Variants in MGAT5 observed in about 807,000 individuals in gnomAD.
The protein encoded by MGAT5 is alpha-1,6-mannosylglycoprotein 6-beta-N-acetylglucosaminyltransferase A.
Under a neutral mutation model 94.3 loss-of-function variants are expected in MGAT5, and 30 were observed. That is an observed-to-expected ratio of 0.32 (90% CI 0.24 to 0.43). The LOEUF (loss-of-function observed/expected upper bound fraction) is 0.43, where lower values mean the gene tolerates loss of function less well. MGAT5 is among the 20% of genes least tolerant of loss of function. MGAT5 has a pLI of 1.00. For synonymous variants in MGAT5, 310 were observed against 322.9 expected, an observed-to-expected ratio of 0.96 and a Z score of 0.43; for missense variants, 691 against 905.5, an observed-to-expected ratio of 0.76 and a Z score of 3.04.
intron 1 of MGAT5, among the ~76,000 whole-genome samples, chr2:134,203,637 T>C (rs1679900808): frequency 1.3e-5 from 2 of 152,066 alleles, no homozygotes; most frequent in African/African-American, 4.8e-5. Flanking sequence ...CCTTGGTGCT[T>C]GTGACCTTGA....
chr2:134,422,043 A>G (rs2106359128), intron 12 of MGAT5, among the ~76,000 whole-genome samples: 1 of 152,116 alleles, frequency 6.6e-6, no homozygotes, highest in East Asian at 1.9e-4. Flanking sequence ...GCCAGGCATG[A>G]TGTGCACATC....
At chr2:134,143,789 T>A (rs569313287) in intron 1 of MGAT5, among the ~76,000 whole-genome samples, 157 of 152,334 alleles carry the variant, frequency 1.0e-3, no homozygotes, top group South Asian at 2.3e-3. Context: ...TGTGTATTCA[T>A]TTAATCTTTC....
chr2:134,406,025 G>C (rs1683313986), intron 11 of MGAT5, among the ~76,000 whole-genome samples: 1 of 152,220 alleles, frequency 6.6e-6, no homozygotes, highest in Non-Finnish European at 1.5e-5. Flanking sequence ...CCACAGCCGA[G>C]TCATTCAGTC....
chr2:134,169,266 G>A lies in MGAT5; in HGVS notation c.-143+48975G>A, dbSNP rs537966036. Among the ~76,000 whole-genome samples, 10 of 152,198 alleles carry A rather than the reference G, an allele frequency of 6.6e-5. No homozygotes were observed. In the East Asian group the frequency reaches 1.4e-3, roughly 21 times the overall value. On this transcript the variant is annotated intron_variant, in intron 1 of 16. Transcript: ENST00000409645. ...TGAAAATGGGATTTCAAGGCCGGGC[G>A]CAGTGGCTTATGCCTGTAATCCCAG... is the stretch of plus-strand genomic sequence containing the variant.
In MGAT5 at chr2:134,359,445, C is replaced by T. The variant is rs78745896; in HGVS notation, c.1247-2830C>T. On this transcript the variant is annotated intron_variant, in intron 9 of 15. Transcript: ENST00000281923. ...TTCTTATCTGTACAAACATGTTACA[C>T]GGTTATGAGGTTAAAATGGAAGAGT... 2.7e-3 allele frequency among the ~76,000 whole-genome samples: 418 copies of T among 152,264 alleles called. 7 individuals are homozygous for T. The highest frequency in any genetic ancestry group is 0.023 in the East Asian group (120 of 5,180).
upstream of MGAT5, among the ~76,000 whole-genome samples, chr2:134,251,059 C>A (rs182939640): frequency 6.6e-6 from 1 of 152,260 alleles, no homozygotes; most frequent in East Asian, 1.9e-4. Flanking sequence ...ACAGCTAATT[C>A]CTACCAGTGA....
chr2:134,269,497 G>A (rs184531400), intron 1 of MGAT5, among the ~76,000 whole-genome samples: 3 of 152,342 alleles, frequency 2.0e-5, no homozygotes, highest in Admixed American at 1.3e-4. Flanking sequence ...TGGTTATGCA[G>A]TCACCCATCT....
intron 2 of MGAT5, among the ~76,000 whole-genome samples, chr2:134,284,146 T>G (rs1315123885): frequency 6.6e-6 from 1 of 152,164 alleles, no homozygotes; most frequent in Non-Finnish European, 1.5e-5. Flanking sequence ...AAATGGGAGA[T>G]TGCAACTTTC....
rs960173173 is a variant in MGAT5 at position 134,130,202 on chromosome 2, G to A, written c.-143+9911G>A. Among the ~76,000 whole-genome samples, 11 of 70,872 alleles carry A rather than the reference G, an allele frequency of 1.6e-4. No individual in the cohort carries two copies. In the East Asian group the frequency reaches 2.4e-3, roughly 15 times the overall value. The allele number at this position is 70,872 out of a possible 152,430, so 46.5% of individuals were successfully genotyped here. On this transcript the variant is annotated intron_variant, in intron 1 of 16. Coordinates refer to the MGAT5 transcript ENST00000409645. ...TCTGCAGCCCGCCATGCTGGAGCCC[G>A]CCCCGCCCCACACCGCCCCACACCG...
At chr2:134,194,305 T>A (rs1470050138) in intron 1 of MGAT5, among the ~76,000 whole-genome samples, 1 of 152,176 alleles carries the variant, frequency 6.6e-6, no homozygotes, top group East Asian at 1.9e-4. Flanking sequence ...AAAATACACT[T>A]CAACTTCTGC....
upstream of MGAT5, among the ~76,000 whole-genome samples, chr2:134,254,009 T>C (rs1682777267): frequency 2.0e-5 from 3 of 152,218 alleles, no homozygotes; most frequent in Admixed American, 2.0e-4. Context: ...GTTTTGAATT[T>C]GGTCCAGGCT....
At chr2:134,152,606 CTT>C (rs998291840) in intron 1 of MGAT5, among the ~76,000 whole-genome samples, 3 of 152,192 alleles carry the variant, frequency 2.0e-5, no homozygotes, top group Non-Finnish European at 2.9e-5. Context: ...AAATCAATGT[CTT>C]TTTAATTTTT....
chr2:134,357,787 C>T (rs910749125), intron 9 of MGAT5, among the ~76,000 whole-genome samples: 7 of 151,908 alleles, frequency 4.6e-5, no homozygotes, highest in African/African-American at 1.7e-4. Context: ...ACAATTTAGG[C>T]GCTCATCTTC....
chr2:134,436,927 A>G lies in MGAT5; in HGVS notation c.1870-4831A>G, dbSNP rs914182199. Among the ~76,000 whole-genome samples the G allele has an allele frequency of 8.5e-5, 13 of 152,180 alleles. No homozygotes were observed. In the East Asian group the frequency reaches 1.5e-3, roughly 18 times the overall value. On this transcript the variant is annotated intron_variant, in intron 14 of 15. Transcript: ENST00000281923. ...CTCCTTCTGACTTGAAGCACATTCC[A>G]TCGCCATATCACTCATCACTTCCTC...
At chr2:134,255,518 TACAC>T (rs954176555) in intron 1 of MGAT5, among the ~76,000 whole-genome samples, 2 of 150,682 alleles carry the variant, frequency 1.3e-5, no homozygotes, top group Non-Finnish European at 3.0e-5. Context: ...CATATATATA[TACAC>T]ACACATATAT....
rs1265252098 is a variant in MGAT5 at position 134,142,116 on chromosome 2, G to T, written c.-143+21825G>T. On this transcript the variant is annotated intron_variant, in intron 1 of 16. Transcript: ENST00000409645. ...AAGGGGAGGCTGACGCTTAATTCTG[G>T]TCTTGCATAGTTCAGGGCCTCCTGA... is the stretch of plus-strand genomic sequence containing the variant. Among the ~76,000 whole-genome samples, 4 of 152,294 alleles carry T rather than the reference G, an allele frequency of 2.6e-5. No individual in the cohort carries two copies. The East Asian group carries it at 5.8e-4, about 22-fold the overall frequency.
At chr2:134,135,690 CAAAAAAAAA>C (rs59026836) in intron 1 of MGAT5, among the ~76,000 whole-genome samples, 3 of 41,708 alleles carry the variant, frequency 7.2e-5, no homozygotes, top group Non-Finnish European at 1.3e-4. Flanking sequence ...GACTCCATCT[CAAAAAAAAA>C]AAAAAAAAAA....
At chr2:134,429,486 A>T (rs1370531179) in intron 14 of MGAT5, among the ~76,000 whole-genome samples, 1 of 152,200 alleles carries the variant, frequency 6.6e-6, no homozygotes, top group Non-Finnish European at 1.5e-5. Context: ...TGGGCATGTT[A>T]CTTGGCCTCT....
chr2:134,177,787 C>T (rs184186889), intron 1 of MGAT5, among the ~76,000 whole-genome samples: 2 of 152,192 alleles, frequency 1.3e-5, no homozygotes, highest in East Asian at 3.9e-4. Context: ...ACGGAATGGC[C>T]GATGCTGACA....
Sources: gnomAD v4.1 joint callset for allele counts (sites outside exome capture counted in the v4.1 genomes callset) on GRCh38, gnomAD v4.1.1 for gene constraint, MANE v1.5 for transcripts, NCBI Gene and HGNC (gene_info 2026-07-23, HGNC 2026-07-21) for gene names.